PDE4D: variants seen among roughly 807,000 people sequenced by gnomAD.
PDE4D encodes the protein 3',5'-cyclic-AMP phosphodiesterase 4D.
PDE4D carries 24 observed loss-of-function variants against 87.4 expected under a neutral mutation model. The observed-to-expected ratio is 0.27, with a 90% CI of 0.20 to 0.39. The LOEUF is 0.39. Among genes scored for constraint, PDE4D ranks in the 10% least tolerant of loss-of-function variants. The pLI is 1.00. For missense variants in PDE4D, 714 were observed against 1,041.0 expected, an observed-to-expected ratio of 0.69 and a Z score of 4.32; for synonymous variants, 384 against 383.2, an observed-to-expected ratio of 1.00 and a Z score of -0.02.
At chr5:59,771,485 G>GAAAGA (rs56311484) in intron 1 of PDE4D, among the ~76,000 whole-genome samples, 6 of 70,622 alleles carry the variant, frequency 8.5e-5, no homozygotes, top group Admixed American at 1.7e-4. Context: ...AAGAAAGAAA[G>GAAAGA]AGAGAGAGAG....
At chr5:59,285,011 A>G (rs1219501678) in intron 1 of PDE4D, among the ~76,000 whole-genome samples, 1 of 99,402 alleles carries the variant, frequency 1.0e-5, no homozygotes, top group East Asian at 3.2e-4. Context: ...GAATTGAACA[A>G]TGAGATCACA....
intron 1 of PDE4D, among the ~76,000 whole-genome samples, chr5:59,849,746 A>C (rs1344212590): frequency 1.3e-5 from 2 of 151,874 alleles, no homozygotes; most frequent in African/African-American, 2.4e-5. Context: ...ATAATTTCTG[A>C]AGTGTCTAAT....
At chr5:59,198,596 C>T (rs1746015599) in intron 2 of PDE4D, among the ~76,000 whole-genome samples, 1 of 152,120 alleles carries the variant, frequency 6.6e-6, no homozygotes, top group Non-Finnish European at 1.5e-5. Context: ...TTGTCTCTCC[C>T]AAAGAGAAAG....
At chr5:59,808,590 G>T (rs1314277269) in intron 1 of PDE4D, among the ~76,000 whole-genome samples, 1 of 152,036 alleles carries the variant, frequency 6.6e-6, no homozygotes, top group African/African-American at 2.4e-5. Flanking sequence ...GTTTGTGTGT[G>T]TGTGTGTGTG....
chr5:59,605,229 GA>G (rs1828029635), intron 1 of PDE4D, among the ~76,000 whole-genome samples: 1 of 152,040 alleles, frequency 6.6e-6, no homozygotes, highest in South Asian at 2.1e-4. Flanking sequence ...TTCCAAAGGT[GA>G]AAATAAGTAT....
At chr5:59,343,105 A>AC (rs1269117627) in intron 1 of PDE4D, among the ~76,000 whole-genome samples, 3 of 149,148 alleles carry the variant, frequency 2.0e-5, no homozygotes, top group African/African-American at 7.4e-5. Flanking sequence ...CCCTTCTCCC[A>AC]CCCTCCCCTC....
At chr5:59,159,701 C>G in intron 5 of PDE4D, among the ~76,000 whole-genome samples, 1 of 152,134 alleles carries the variant, frequency 6.6e-6, no homozygotes, top group East Asian at 1.9e-4. Context: ...ATCTCATATC[C>G]TAAAGGTCTA....
At chr5:60,170,232 GT>G (rs1234302960) in intron 2 of PDE4D, among the ~76,000 whole-genome samples, 1 of 151,962 alleles carries the variant, frequency 6.6e-6, no homozygotes, top group African/African-American at 2.4e-5. Flanking sequence ...GTCTCACTTA[GT>G]TTTCATAACA....
intron 1 of PDE4D, among the ~76,000 whole-genome samples, chr5:59,796,384 A>G (rs1766481867): frequency 6.6e-6 from 1 of 152,280 alleles, no homozygotes; most frequent in African/African-American, 2.4e-5. Flanking sequence ...GGCTTTGGTA[A>G]CTGGGGAGTG....
intron 1 of PDE4D, among the ~76,000 whole-genome samples, chr5:59,267,683 T>C (rs985444241): frequency 5.9e-5 from 9 of 152,032 alleles, no homozygotes; most frequent in Non-Finnish European, 1.0e-4. Context: ...TAAGAGGAAA[T>C]GGGTTAGAAT....
chr5:59,893,098 T>TAAA, intron 1 of PDE4D, 70 bp downstream of exon 1: 1 of 1,443,246 alleles, frequency 6.9e-7, no homozygotes, highest in Non-Finnish European at 9.3e-7. Context: ...TAAGCCGACT[T>TAAA]AGATGGAGTA....
chr5:60,324,868 C>A (rs1158253354), intron 1 of PDE4D, among the ~76,000 whole-genome samples: 2 of 152,106 alleles, frequency 1.3e-5, no homozygotes, highest in Admixed American at 1.3e-4. Flanking sequence ...CAACAGAAAA[C>A]AAAGTATAGT....
intron 5 of PDE4D, among the ~76,000 whole-genome samples, chr5:59,072,125 T>C (rs1764944285): frequency 6.6e-6 from 1 of 152,224 alleles, no homozygotes; most frequent in Non-Finnish European, 1.5e-5. Flanking sequence ...GAAGCTCTGT[T>C]TGCATAGGTA....
At chr5:59,100,790 T>C (rs957084512) in intron 5 of PDE4D, among the ~76,000 whole-genome samples, 1 of 152,198 alleles carries the variant, frequency 6.6e-6, no homozygotes, top group Non-Finnish European at 1.5e-5. Flanking sequence ...TTGTTATATC[T>C]CTTTTGTTTT....
chr5:59,865,421 C>G (rs1284447747), intron 1 of PDE4D, among the ~76,000 whole-genome samples: 1 of 152,152 alleles, frequency 6.6e-6, no homozygotes, highest in Non-Finnish European at 1.5e-5. Flanking sequence ...AACTGATTAA[C>G]TGAAAAACAG....
chr5:60,095,583 G>T (rs988524124), intron 2 of PDE4D, among the ~76,000 whole-genome samples: 2 of 152,140 alleles, frequency 1.3e-5, no homozygotes, highest in African/African-American at 4.8e-5. Context: ...AGATTGCTGG[G>T]TCAAATGGTA....
At chr5:59,816,815 G>C (rs1581237644) in intron 1 of PDE4D, among the ~76,000 whole-genome samples, 1 of 152,308 alleles carries the variant, frequency 6.6e-6, no homozygotes, top group African/African-American at 2.4e-5. Flanking sequence ...ATGAAGGCCT[G>C]AGTCAAGAGA....
intron 1 of PDE4D, among the ~76,000 whole-genome samples, chr5:60,346,305 G>A (rs2149911442): frequency 6.6e-6 from 1 of 152,254 alleles, no homozygotes; most frequent in East Asian, 1.9e-4. Context: ...TCAGATGTGG[G>A]TCCTGCTGGT....
intron 6 of PDE4D, among the ~76,000 whole-genome samples, chr5:59,009,496 G>C (rs1209385791): frequency 6.6e-6 from 1 of 152,082 alleles, no homozygotes; most frequent in African/African-American, 2.4e-5. Flanking sequence ...TATTGTAAGT[G>C]AAAGAAGCCA....
Sources: gnomAD v4.1 joint callset for allele counts (sites outside exome capture counted in the v4.1 genomes callset) on GRCh38, gnomAD v4.1.1 for gene constraint, MANE v1.5 for transcripts, NCBI Gene and HGNC (gene_info 2026-07-23, HGNC 2026-07-21) for gene names.